The following TSEN2 variants were observed in gnomAD, a reference collection of about 807,000 sequenced individuals.
TSEN2 encodes tRNA splicing endonuclease subunit 2, also known as tRNA-splicing endonuclease subunit Sen2.
In TSEN2, 54 loss-of-function variants were observed where a neutral mutation model predicts 59.2. The ratio of observed to expected loss-of-function variants is 0.91; its 90% CI spans 0.73 to 1.14. The LOEUF (loss-of-function observed/expected upper bound fraction) is 1.14. Among genes scored for constraint, TSEN2 ranks in the 50% most tolerant of loss-of-function variants. The probability of loss-of-function intolerance (pLI) is 0.00; values close to 1 mark genes in which losing one functional copy is unlikely to be tolerated. For missense variants in TSEN2, 636 were observed against 576.2 expected (o/e 1.10, Z -1.06); for synonymous variants, 195 against 198.2 (o/e 0.98, Z 0.14).
chr3:12,489,786 T>C lies in TSEN2; in HGVS notation c.-15T>C, dbSNP rs1334234198. The C allele has an allele frequency of 3.7e-6, 6 of 1,611,484 alleles. No individual in the cohort carries two copies. The highest frequency in any genetic ancestry group is 5.1e-6 in the Non-Finnish European group (6 of 1,179,764). On this transcript the variant is annotated splice_region_variant and 5_prime_UTR_variant, in exon 2 of 12. Coordinates refer to ENST00000284995, the MANE Select transcript of TSEN2 (RefSeq NM_025265.4). ...TGTTTGTTGTCTACTCTTTAAAGAA[T>C]ACCTCCTCTGAAAAATGGCAGAAGC...
At chr3:12,515,864 T>TC (rs2125132758) in intron 6 of TSEN2, among the ~76,000 whole-genome samples, 1 of 151,914 alleles carries the variant, frequency 6.6e-6, no homozygotes, top group African/African-American at 2.4e-5. Context: ...GCCCCACACT[T>TC]TTCACACCTT....
intron 2 of TSEN2, among the ~76,000 whole-genome samples, chr3:12,490,440 T>C (rs2053102484): frequency 6.6e-6 from 1 of 152,192 alleles, no homozygotes; most frequent in African/African-American, 2.4e-5. Context: ...TGGAGCTCCT[T>C]ATCTGCTGCC....
At chr3:12,519,807 C>T (rs1036040358) in intron 8 of TSEN2, among the ~76,000 whole-genome samples, 3 of 152,148 alleles carry the variant, frequency 2.0e-5, no homozygotes, top group Non-Finnish European at 2.9e-5. Context: ...GCCATGAGAT[C>T]GGGTAATTTG....
intron 5 of TSEN2, among the ~76,000 whole-genome samples, chr3:12,504,740 G>T (rs980442316): frequency 6.6e-6 from 1 of 152,072 alleles, no homozygotes; most frequent in Non-Finnish European, 1.5e-5. Context: ...GCACTTCTTG[G>T]CCAAGCGTGG....
chr3:12,536,733 G>A (rs1310896046), downstream of TSEN2, among the ~76,000 whole-genome samples: 1 of 152,096 alleles, frequency 6.6e-6, no homozygotes, highest in African/African-American at 2.4e-5. Flanking sequence ...AGGCGCGGTG[G>A]CTCATGCCTA....
chr3:12,499,578 A>G (rs747426387), intron 4 of TSEN2, among the ~76,000 whole-genome samples: 1 of 152,196 alleles, frequency 6.6e-6, no homozygotes, highest in Admixed American at 6.5e-5. Flanking sequence ...GAGGGTAGGT[A>G]CTAGAGATGT....
intron 6 of TSEN2, among the ~76,000 whole-genome samples, chr3:12,514,480 G>C (rs1429116527): frequency 6.6e-6 from 1 of 152,096 alleles, no homozygotes; most frequent in Non-Finnish European, 1.5e-5. Flanking sequence ...GCTCAGAACA[G>C]GGAGGGTGTC....
At chr3:12,527,456 C>CTT (rs757613935) in intron 8 of TSEN2, among the ~76,000 whole-genome samples, 83 of 132,062 alleles carry the variant, frequency 6.3e-4, no homozygotes, top group African/African-American at 1.5e-3. Context: ...TTTTTTTTTT[C>CTT]TTTTTTTTTT....
At chr3:12,515,863 T>A (rs563030112) in intron 6 of TSEN2, among the ~76,000 whole-genome samples, 1 of 151,872 alleles carries the variant, frequency 6.6e-6, no homozygotes, top group Admixed American at 6.6e-5. Context: ...TGCCCCACAC[T>A]TTTCACACCT....
intron 6 of TSEN2, among the ~76,000 whole-genome samples, chr3:12,509,494 G>A (rs116102901): frequency 1.0e-3 from 157 of 152,178 alleles, no homozygotes; most frequent in African/African-American, 3.7e-3. Flanking sequence ...GCCACCACAC[G>A]CTGCCAGGCA....
In TSEN2 at chr3:12,532,649, T is replaced by A; in HGVS notation, c.1339-13T>A. On this transcript the variant is annotated splice_polypyrimidine_tract_variant and intron_variant, in intron 11 of 11. Transcript: ENST00000284995. ...CTGTTTTAAGAAATGGTCTTTTTTT[T>A]TATTGGTTGTAGGAGGTGATTCTGA... 6.2e-7 allele frequency: 1 copy of A among 1,614,080 alleles called. No homozygotes were observed. Among genetic ancestry groups the A allele is most frequent in the Non-Finnish European group, 8.5e-7 (1 of 1,179,962 alleles).
chr3:12,538,374 G>A (rs955153438), downstream of TSEN2, among the ~76,000 whole-genome samples: 1 of 152,190 alleles, frequency 6.6e-6, no homozygotes, highest in African/African-American at 2.4e-5. Context: ...GAGAGAAGTT[G>A]GTTGGTTAAA....
intron 1 of TSEN2, among the ~76,000 whole-genome samples, chr3:12,485,724 C>A (rs552364700): frequency 1.5e-4 from 23 of 152,244 alleles, no homozygotes; most frequent in African/African-American, 5.1e-4. Flanking sequence ...ATTTTTCAAT[C>A]ATCATTCTAA....
chr3:12,499,504 C>T (rs2054078745), intron 4 of TSEN2, among the ~76,000 whole-genome samples: 1 of 152,208 alleles, frequency 6.6e-6, no homozygotes, highest in Non-Finnish European at 1.5e-5. Flanking sequence ...ACTGCTCTGG[C>T]AGTGCCATTC....
chr3:12,503,408 A>C lies in TSEN2; in HGVS notation c.455A>C (p.Lys152Thr). The change falls in exon 5 of 12, where the codon AAG becomes ACG. Residue 152 changes from lysine (K) to threonine (T), a missense_variant. By Grantham distance (78) the Lys-to-Thr change is moderately conservative (BLOSUM62 -1). Coordinates refer to ENST00000284995, the MANE Select transcript of TSEN2 (RefSeq NM_025265.4). ...AATGAAGAGGCTCAAGTGCATGACAAGCTTAACTCTGGAATGGTTTCCAAC... is the reference window on the plus strand; with the variant it reads ...AATGAAGAGGCTCAAGTGCATGACACGCTTAACTCTGGAATGGTTTCCAAC... ...KRNEEAQVHD[K>T]LNSGMVSNME... The C allele has an allele frequency of 1.9e-6, 3 of 1,614,202 alleles. No individual in the cohort carries two copies. The highest frequency in any genetic ancestry group is 1.7e-5 in the Admixed American group (1 of 60,016).
chr3:12,502,516 A>G (rs2054374701), intron 4 of TSEN2, among the ~76,000 whole-genome samples: 1 of 152,034 alleles, frequency 6.6e-6, no homozygotes, highest in African/African-American at 2.4e-5. Flanking sequence ...AGCCTGGGTG[A>G]CAGAGCAAGA....
intron 6 of TSEN2, among the ~76,000 whole-genome samples, chr3:12,510,622 C>T (rs2055344831): frequency 6.6e-6 from 1 of 152,188 alleles, no homozygotes; most frequent in African/African-American, 2.4e-5. Flanking sequence ...CCGGCTCTTC[C>T]ATTTTGTACC....
At chr3:12,524,429 C>G (rs991715275) in intron 8 of TSEN2, among the ~76,000 whole-genome samples, 13 of 152,170 alleles carry the variant, frequency 8.5e-5, no homozygotes, top group Non-Finnish European at 1.9e-4. Context: ...GGAGAGAATC[C>G]ATTCCTTGTC....
chr3:12,496,522 G>A lies in TSEN2; in HGVS notation c.276G>A (p.Met92Ile), dbSNP rs761465641. 6.8e-6 allele frequency: 11 copies of A among 1,613,982 alleles called. No individual in the cohort carries two copies. The East Asian group carries it at 2.5e-4, about 36-fold the overall frequency. Residue 92 changes from methionine to isoleucine, a missense_variant, in exon 4 of 12, where the codon ATG (methionine) becomes ATA (isoleucine). Met to Ile is a conservative substitution (Grantham distance 10). Transcript: ENST00000284995. ...AATAGAACTTCTTTGTTCCAGATAT[G>A]AAGACAAACATGCCTATCATCACAT... Reference protein sequence around the residue: ...DPKLVAKWKDMKTNMPIITSK... With the variant: ...DPKLVAKWKDIKTNMPIITSK...
Sources: gnomAD v4.1 joint callset for allele counts (sites outside exome capture counted in the v4.1 genomes callset) on GRCh38, gnomAD v4.1.1 for gene constraint, MANE v1.5 for transcripts, NCBI Gene and HGNC (gene_info 2026-07-23, HGNC 2026-07-21) for gene names.